HADH: variants seen among roughly 807,000 people sequenced by gnomAD.
HADH encodes the protein hydroxyacyl-coenzyme A dehydrogenase, mitochondrial.
Under a neutral mutation model 32.2 loss-of-function variants are expected in HADH, and 24 were observed. The ratio of observed to expected loss-of-function variants is 0.75; its 90% CI spans 0.54 to 1.05. HADH has a LOEUF of 1.05. Among genes scored for constraint, HADH ranks in the 50% least tolerant of loss-of-function variants. The pLI is 0.00. For missense variants in HADH, 350 were observed against 397.1 expected (o/e 0.88, Z 1.01); for synonymous variants, 139 against 152.5 (o/e 0.91, Z 0.65).
chr4:108,008,696 G>A (rs74661818), intron 1 of HADH, among the ~76,000 whole-genome samples: 57 of 152,134 alleles, frequency 3.7e-4, no homozygotes, highest in African/African-American at 1.3e-3. Context: ...TGGTGTCATC[G>A]AGGTTCCAAA....
chr4:107,996,331 A>G (rs982479702), intron 1 of HADH, among the ~76,000 whole-genome samples: 2 of 152,230 alleles, frequency 1.3e-5, no homozygotes, highest in African/African-American at 4.8e-5. Context: ...CATCATAGCA[A>G]CATCTTCCAG....
chr4:108,019,699 G>A (rs780093229), intron 4 of HADH, 33 bp downstream of exon 4: 38 of 1,612,348 alleles, frequency 2.4e-5, no homozygotes, highest in Admixed American at 1.8e-4. Context: ...GTGTCTGCCC[G>A]CTCTGCCAGC....
intron 5 of HADH, chr4:108,027,367 A>C: frequency 2.3e-6 from 1 of 430,668 alleles, no homozygotes; most frequent in Non-Finnish European, 4.3e-6. Flanking sequence ...CAGAAGGACC[A>C]AGAGAGTATT....
At chr4:108,014,244 G>A (rs1735612781) in intron 2 of HADH, among the ~76,000 whole-genome samples, 187 bp from the exon 3 acceptor site, 1 of 152,226 alleles carries the variant, frequency 6.6e-6, no homozygotes, top group Non-Finnish European at 1.5e-5. Flanking sequence ...ACCACCTCAA[G>A]ACTAATGGAT....
intron 5 of HADH, 94 bp from the exon 6 acceptor site, chr4:108,027,594 G>A: frequency 3.7e-6 from 3 of 818,146 alleles, no homozygotes; most frequent in Non-Finnish European, 6.6e-6. Flanking sequence ...GGGCAAACAT[G>A]ATCCAGGGTA....
intron 1 of HADH, among the ~76,000 whole-genome samples, chr4:107,999,915 A>G (rs1735069561): frequency 6.6e-6 from 1 of 152,208 alleles, no homozygotes; most frequent in Non-Finnish European, 1.5e-5. Context: ...GTGATATGAC[A>G]TATAGTGTGT....
At chr4:107,992,669 C>A (rs538797511) in intron 1 of HADH, among the ~76,000 whole-genome samples, 1 of 152,140 alleles carries the variant, frequency 6.6e-6, no homozygotes, top group Non-Finnish European at 1.5e-5. Context: ...CTAAAGTAGA[C>A]TAATGCTAGT....
In HADH at chr4:108,023,583, G is replaced by T. The variant is rs778001613; in HGVS notation, c.636+20G>T. 7.4e-7 allele frequency: 1 copy of T among 1,351,228 alleles called. No homozygotes were observed. The highest frequency in any genetic ancestry group is 1.1e-6 in the Non-Finnish European group (1 of 939,452). 83.7% of individuals were successfully genotyped at this position (1,351,228 alleles called of 1,614,324 possible). A position where few individuals can be genotyped will look rare whatever the true frequency, so the allele number is the denominator to read the frequency against. ...TGCAAGGTAAGAGTATGGGTAGCTTGGGAAGGAGGTAGTTCTTTTCTTCTT... is the reference window on the plus strand; with the variant it reads ...TGCAAGGTAAGAGTATGGGTAGCTTTGGAAGGAGGTAGTTCTTTTCTTCTT... On this transcript the variant is annotated intron_variant, in intron 5 of 7. Coordinates refer to ENST00000309522, the MANE Select transcript of HADH (RefSeq NM_005327.7).
At chr4:108,000,797 T>C (rs1735099088) in intron 1 of HADH, among the ~76,000 whole-genome samples, 3 of 152,180 alleles carry the variant, frequency 2.0e-5, no homozygotes, top group Admixed American at 2.0e-4. Flanking sequence ...AGCCATGAGA[T>C]AGCACAGAGG....
chr4:108,030,256 GTGTC>G (rs1736216002), intron 6 of HADH: 1 of 152,518 alleles, frequency 6.6e-6, no homozygotes, highest in Non-Finnish European at 1.5e-5. Context: ...CCCCACCTGA[GTGTC>G]TGCAGAGCTC....
intron 3 of HADH, among the ~76,000 whole-genome samples, chr4:108,016,651 C>T (rs1735704734): frequency 1.3e-5 from 2 of 152,200 alleles, no homozygotes; most frequent in African/African-American, 4.8e-5. Context: ...CCTCCATTGT[C>T]CATGTCTGGT....
chr4:108,003,105 C>CTTTT (rs11390276), intron 1 of HADH, among the ~76,000 whole-genome samples: 4,570 of 124,072 alleles, frequency 0.037, 105 homozygotes, highest in Non-Finnish European at 0.054. Flanking sequence ...GTGTCTTAGT[C>CTTTT]TTTTTTTTTT....
At chr4:108,027,848 C>T (rs1445311014) in intron 6 of HADH, 88 bp downstream of exon 6, 7 of 816,844 alleles carry the variant, frequency 8.6e-6, no homozygotes, top group African/African-American at 1.7e-5. Flanking sequence ...AGGGGTCGGG[C>T]CGTGCACAAT....
intron 1 of HADH, among the ~76,000 whole-genome samples, chr4:108,008,725 G>C (rs140432774): frequency 2.0e-5 from 3 of 152,168 alleles, no homozygotes; most frequent in African/African-American, 4.8e-5. Flanking sequence ...TTTGCAGGGG[G>C]CTTCTCAGAT....
chr4:108,011,141 C>T (rs1018453266), intron 2 of HADH, among the ~76,000 whole-genome samples: 4 of 152,192 alleles, frequency 2.6e-5, no homozygotes, highest in Non-Finnish European at 5.9e-5. Context: ...GCCACCACTC[C>T]CGGCCAACTT....
chr4:108,007,144 T>C (rs1263964122), intron 1 of HADH, among the ~76,000 whole-genome samples: 1 of 152,152 alleles, frequency 6.6e-6, no homozygotes, highest in Non-Finnish European at 1.5e-5. Context: ...TCTCGCTCTG[T>C]CCCTCAGGCT....
chr4:108,024,411 T>G (rs1235622663), intron 5 of HADH: 1 of 152,202 alleles, frequency 6.6e-6, no homozygotes, highest in Non-Finnish European at 1.5e-5. Flanking sequence ...ATAGCAAACT[T>G]TTGCTTTCTA....
intron 1 of HADH, chr4:108,004,687 A>G (rs1043326077): frequency 1.6e-5 from 25 of 1,524,244 alleles, no homozygotes; most frequent in East Asian, 5.0e-5. Context: ...CTCAGCAGCA[A>G]TGAGGGATAA....
At chr4:108,005,225 T>C in intron 1 of HADH, 1 of 235,772 alleles carries the variant, frequency 4.2e-6, no homozygotes, top group Non-Finnish European at 8.4e-6. Context: ...TGGATGATCC[T>C]AGAATTAATA....
Sources: allele counts gnomAD v4.1 joint callset (sites outside exome capture counted in the v4.1 genomes callset), GRCh38; gene constraint gnomAD v4.1.1; transcripts MANE v1.5; gene names NCBI Gene and HGNC (gene_info 2026-07-23, HGNC 2026-07-21).